Variants in SNX30 observed in about 807,000 individuals in gnomAD.
The protein encoded by SNX30 is sorting nexin-30.
SNX30 carries 24 observed loss-of-function variants against 46.4 expected under a neutral mutation model. The ratio of observed to expected loss-of-function variants is 0.52; its 90% CI spans 0.37 to 0.73. The LOEUF is 0.73. SNX30 is among the 30% of genes least tolerant of loss of function. The probability of loss-of-function intolerance (pLI) is 0.00; values close to 1 mark genes in which losing one functional copy is unlikely to be tolerated. For synonymous variants in SNX30, 189 were observed against 211.5 expected (o/e 0.89, Z 0.92); for missense variants, 533 against 555.7 (o/e 0.96, Z 0.41).
At chr9:112,833,613 G>A (rs1271121925) in intron 4 of SNX30, among the ~76,000 whole-genome samples, 1 of 152,186 alleles carries the variant, frequency 6.6e-6, no homozygotes, top group Non-Finnish European at 1.5e-5. Flanking sequence ...ACAGCAATCA[G>A]ATGGATACTG....
chr9:112,794,800 T>C (rs186547281), intron 1 of SNX30, among the ~76,000 whole-genome samples: 2 of 152,322 alleles, frequency 1.3e-5, no homozygotes, highest in Admixed American at 1.3e-4. Flanking sequence ...ACCATAATGG[T>C]GTATCTTAAA....
intron 1 of SNX30, among the ~76,000 whole-genome samples, chr9:112,794,999 A>G (rs1222329929): frequency 6.6e-6 from 1 of 152,220 alleles, no homozygotes; most frequent in African/African-American, 2.4e-5. Context: ...ACTCTTCACA[A>G]AGGCTATTCT....
Position 112,872,266 on chromosome 9 carries a change from AG to A in SNX30, c.*3426del, listed in dbSNP as rs1279436625. On this transcript the variant is annotated 3_prime_UTR_variant, in exon 9 of 9. Transcript: ENST00000374232. ...ATAACAGGAAGTTCTGCTTTAGAGG[AG>A]GGCACGATGACCATGTGGCAGTCTG... The A allele has an allele frequency of 6.6e-6, 1 of 152,202 alleles. No homozygotes were observed. The highest frequency in any genetic ancestry group is 2.4e-5 in the African/African-American group (1 of 41,440). The allele number at this position is 152,202 out of a possible 1,614,324, so 9.4% of individuals were successfully genotyped here.
intron 4 of SNX30, among the ~76,000 whole-genome samples, chr9:112,831,611 C>T (rs1461292436): frequency 6.6e-6 from 1 of 152,226 alleles, no homozygotes; most frequent in African/African-American, 2.4e-5. Flanking sequence ...CAAATTAGGT[C>T]TTTGTGGCTA....
chr9:112,851,652 A>G (rs1277167217), intron 7 of SNX30, among the ~76,000 whole-genome samples: 1 of 152,224 alleles, frequency 6.6e-6, no homozygotes, highest in Non-Finnish European at 1.5e-5. Flanking sequence ...GTAATGGAGA[A>G]AGAGTAATTC....
intron 1 of SNX30, among the ~76,000 whole-genome samples, chr9:112,789,056 A>C (rs1385705698): frequency 6.6e-6 from 1 of 152,196 alleles, no homozygotes; most frequent in Non-Finnish European, 1.5e-5. Context: ...TTGGCCTCCC[A>C]AAATGCTGGG....
chr9:112,882,693 G>T (rs1010523080), downstream of SNX30, among the ~76,000 whole-genome samples: 5 of 152,108 alleles, frequency 3.3e-5, no homozygotes, highest in Admixed American at 1.3e-4. Context: ...TGGAGGTGGG[G>T]GGAGATGAAG....
chr9:112,864,261 C>T lies in SNX30; in HGVS notation c.1116C>T (p.Val372=), dbSNP rs142474101. ...KEDRPKVPAD[V]EKCQDRMECF... ...CCCTTTTCCAGGTACCGGCGGACGT[C>T]GAGAAATGTCAGGATCGGATGGAGT... is the stretch of plus-strand genomic sequence containing the variant. The change falls in exon 8 of 9, where the codon GTC becomes GTT. Residue 372 remains valine, a synonymous_variant. Coordinates refer to ENST00000374232, the MANE Select transcript of SNX30 (RefSeq NM_001012994.2). 6.4e-5 allele frequency: 104 copies of T among 1,613,938 alleles called. No homozygotes were observed. Among genetic ancestry groups the T allele is most frequent in the Middle Eastern group, 1.7e-4 (1 of 5,978 alleles).
intron 1 of SNX30, among the ~76,000 whole-genome samples, chr9:112,767,502 C>T (rs1389957468): frequency 6.6e-6 from 1 of 152,152 alleles, no homozygotes; most frequent in Non-Finnish European, 1.5e-5. Flanking sequence ...ACTTCAGTGT[C>T]ATGAAGCTTT....
At chr9:112,777,320 G>A (rs1165493797) in intron 1 of SNX30, among the ~76,000 whole-genome samples, 1 of 152,060 alleles carries the variant, frequency 6.6e-6, no homozygotes, top group Admixed American at 6.6e-5. Flanking sequence ...CACCATTGTG[G>A]ACTCAGTGTA....
chr9:112,784,080 T>G (rs1383366391), intron 1 of SNX30, among the ~76,000 whole-genome samples: 1 of 152,184 alleles, frequency 6.6e-6, no homozygotes, highest in Non-Finnish European at 1.5e-5. Flanking sequence ...AATTGAAACA[T>G]GATTCCTCCT....
chr9:112,850,776 G>C (rs922786667), intron 6 of SNX30, 83 bp from the exon 7 acceptor site: 2 of 1,015,024 alleles, frequency 2.0e-6, no homozygotes, highest in Admixed American at 4.0e-5. Flanking sequence ...GGGGAGGCGT[G>C]GGGGAAAAGA....
intron 7 of SNX30, among the ~76,000 whole-genome samples, chr9:112,855,281 G>A (rs1841103808): frequency 6.6e-6 from 1 of 152,090 alleles, no homozygotes. Context: ...CCAGGGCCTC[G>A]GCTAGGTCTT....
At chr9:112,755,426 T>G (rs1588103830) in intron 1 of SNX30, among the ~76,000 whole-genome samples, 1 of 150,560 alleles carries the variant, frequency 6.6e-6, no homozygotes, top group Admixed American at 6.6e-5. Context: ...AAGGGAGGGG[T>G]CAGATTATAT....
At chr9:112,840,256 G>A (rs182711225) in intron 6 of SNX30, among the ~76,000 whole-genome samples, 1 of 152,334 alleles carries the variant, frequency 6.6e-6, no homozygotes, top group East Asian at 1.9e-4. Flanking sequence ...GAGATCATTA[G>A]CCTGAGACCA....
chr9:112,767,678 C>T (rs757037879), intron 1 of SNX30, among the ~76,000 whole-genome samples: 1 of 152,184 alleles, frequency 6.6e-6, no homozygotes, highest in Non-Finnish European at 1.5e-5. Context: ...CAGCCTCAAC[C>T]TCCCAGGCTC....
intron 1 of SNX30, among the ~76,000 whole-genome samples, chr9:112,751,649 T>C (rs77365417): frequency 0.029 from 4,471 of 152,238 alleles, 221 homozygotes; most frequent in African/African-American, 0.098. Flanking sequence ...GGGAGTGATC[T>C]TTGTTTAGGT....
chr9:112,858,375 T>A lies in SNX30; in HGVS notation c.1102-5872T>A, dbSNP rs1012334872. 3.3e-5 allele frequency among the ~76,000 whole-genome samples: 5 copies of A among 151,846 alleles called. No individual in the cohort carries two copies. The East Asian group carries it at 9.7e-4, about 29-fold the overall frequency. ...ACTCCAGATAAAAATATTAGCTGGGTGTGATGGTGTGCATCTGTAGTTACA... is the reference window on the plus strand; with the variant it reads ...ACTCCAGATAAAAATATTAGCTGGGAGTGATGGTGTGCATCTGTAGTTACA... On this transcript the variant is annotated intron_variant, in intron 7 of 8. Transcript: ENST00000374232.
At chr9:112,835,472 ATT>A (rs34706176) in intron 4 of SNX30, among the ~76,000 whole-genome samples, 27 of 141,762 alleles carry the variant, frequency 1.9e-4, no homozygotes, top group East Asian at 2.0e-4. Context: ...TGCCCAACTA[ATT>A]TTTTTTTTTT....
Sources: gnomAD v4.1 joint callset for allele counts (sites outside exome capture counted in the v4.1 genomes callset) on GRCh38, gnomAD v4.1.1 for gene constraint, MANE v1.5 for transcripts, NCBI Gene and HGNC (gene_info 2026-07-23, HGNC 2026-07-21) for gene names.